Variants in GALC observed in about 807,000 individuals in gnomAD.
The protein encoded by GALC is galactocerebrosidase.
GALC carries 77 observed loss-of-function variants against 91.8 expected under a neutral mutation model. The observed-to-expected ratio is 0.84, with a 90% CI of 0.70 to 1.01. GALC has a LOEUF of 1.01. Ranked by LOEUF, GALC falls within the 50% of genes least tolerant of loss-of-function variation. GALC has a pLI of 0.00. For missense variants in GALC, 882 were observed against 855.9 expected (o/e 1.03, Z -0.38); for synonymous variants, 357 against 306.7 (o/e 1.16, Z -1.71).
chr14:87,950,006 A>G, intron 11 of GALC, 75 bp from the exon 12 acceptor site: 2 of 774,966 alleles, frequency 2.6e-6, no homozygotes, highest in South Asian at 2.8e-5. Flanking sequence ...AATCAGTACC[A>G]GCAAGAATGT....
intron 4 of GALC, among the ~76,000 whole-genome samples, chr14:87,985,716 T>C (rs1029742770): frequency 6.6e-6 from 1 of 152,240 alleles, no homozygotes; most frequent in Non-Finnish European, 1.5e-5. Flanking sequence ...TTAACTTAGT[T>C]TGAATTTAAG....
intron 14 of GALC, among the ~76,000 whole-genome samples, chr14:87,944,451 T>A (rs1884983756): frequency 1.3e-5 from 2 of 151,838 alleles, no homozygotes; most frequent in African/African-American, 4.8e-5. Context: ...AATAAGACCA[T>A]CAGTCACAAA....
chr14:87,958,804 C>T (rs556820869), intron 10 of GALC, among the ~76,000 whole-genome samples: 9 of 152,082 alleles, frequency 5.9e-5, no homozygotes, highest in African/African-American at 1.7e-4. Flanking sequence ...TGCAGAAGAA[C>T]GAAACTGGAC....
chr14:87,953,369 TTGA>T, intron 10 of GALC: 3 of 1,422,908 alleles, frequency 2.1e-6, no homozygotes, highest in Non-Finnish European at 3.0e-6. Flanking sequence ...TCCATTCAAC[TTGA>T]TGATTTTACA....
At chr14:87,987,407 C>A (rs1196865551) in intron 3 of GALC, among the ~76,000 whole-genome samples, 1 of 152,196 alleles carries the variant, frequency 6.6e-6, no homozygotes, top group Admixed American at 6.5e-5. Flanking sequence ...AACGCAATAG[C>A]TTGAAGAAAG....
chr14:87,993,541 C>A, upstream of GALC: 1 of 1,397,680 alleles, frequency 7.2e-7, no homozygotes, highest in Admixed American at 2.0e-5. Flanking sequence ...GGCTTGGACA[C>A]CAGGTCCCGA....
At chr14:87,971,519 G>T (rs748261866) in intron 7 of GALC, among the ~76,000 whole-genome samples, 4 of 151,902 alleles carry the variant, frequency 2.6e-5, no homozygotes, top group African/African-American at 9.7e-5. Flanking sequence ...ACCAGCAAAG[G>T]TCTTTACCAC....
intron 10 of GALC, among the ~76,000 whole-genome samples, chr14:87,960,390 A>T (rs1885752498): frequency 6.6e-6 from 1 of 152,160 alleles, no homozygotes. Context: ...TGTATTACAA[A>T]ACAGCTAGAA....
At chr14:87,977,865 G>A (rs991109225) in intron 6 of GALC, among the ~76,000 whole-genome samples, 1 of 152,086 alleles carries the variant, frequency 6.6e-6, no homozygotes, top group Non-Finnish European at 1.5e-5. Flanking sequence ...TAGAAAACGG[G>A]GTGAAAATTA....
intron 1 of GALC, among the ~76,000 whole-genome samples, chr14:87,988,794 T>C (rs1887077148): frequency 6.6e-6 from 1 of 152,188 alleles, no homozygotes; most frequent in Admixed American, 6.5e-5. Flanking sequence ...ATCACAAACT[T>C]ATCTTGAAAC....
intron 10 of GALC, among the ~76,000 whole-genome samples, chr14:87,951,822 C>A (rs951153678): frequency 6.6e-6 from 1 of 151,804 alleles, no homozygotes; most frequent in Non-Finnish European, 1.5e-5. Flanking sequence ...TTGTGGTATG[C>A]CACTAAAGCA....
intron 6 of GALC, among the ~76,000 whole-genome samples, chr14:87,978,732 A>C (rs1461874935): frequency 6.6e-6 from 1 of 151,952 alleles, no homozygotes; most frequent in African/African-American, 2.4e-5. Context: ...ATTTCCATCC[A>C]CTATCCTCAG....
rs417276 is a variant in GALC at position 87,940,060 on chromosome 14, T to C, written c.1835-79A>G. The C allele has an allele frequency of 0.99, 1,135,503 of 1,148,842 alleles. 561,832 individuals carry two copies. The highest frequency in any genetic ancestry group is 1 in the Non-Finnish European group (761,503 of 761,884). 71.2% of individuals were successfully genotyped at this position (1,148,842 alleles called of 1,614,324 possible). A position where few individuals can be genotyped will look rare whatever the true frequency, so the allele number is the denominator to read the frequency against. ...GAATCATATAATTCAGTGGGGTTCT[T>C]GAGTGGCATCTGTATGTAGTAAAGT... On this transcript the variant is annotated intron_variant, in intron 15 of 16. Coordinates refer to ENST00000261304, the MANE Select transcript of GALC (RefSeq NM_000153.4).
At chr14:87,963,540 G>T in intron 9 of GALC, 29 bp from the exon 10 acceptor site, 1 of 1,577,976 alleles carries the variant, frequency 6.3e-7, no homozygotes, top group Non-Finnish European at 8.7e-7. Flanking sequence ...TTCCAAATAA[G>T]ACAAAAATGG....
intron 5 of GALC, among the ~76,000 whole-genome samples, chr14:87,983,508 T>C (rs893142289): frequency 6.6e-6 from 1 of 152,214 alleles, no homozygotes; most frequent in Non-Finnish European, 1.5e-5. Flanking sequence ...CACAAGAGCT[T>C]ATTAATCTTA....
chr14:87,955,691 A>G (rs1885505075), intron 10 of GALC, among the ~76,000 whole-genome samples: 1 of 152,120 alleles, frequency 6.6e-6, no homozygotes, highest in Non-Finnish European at 1.5e-5. Flanking sequence ...GTCTTTCTAT[A>G]AAAAGCATTG....
chr14:87,984,490 G>T lies in GALC; in HGVS notation c.486C>A (p.Asp162Glu), dbSNP rs767286511. The part of the protein sequence containing the change: ...SFPGWLGKGF[D>E]WPYVNLQLTA... ...TCAGCTGAAGATTGACATAAGGCCA[G>T]TCGAAACCTTTTCCCAGCCATCCAG... The change falls in exon 5 of 17, where the codon GAC becomes GAA. Residue 162 changes from aspartate (D) to glutamate (E), a missense_variant. Coordinates refer to ENST00000261304, the MANE Select transcript of GALC (RefSeq NM_000153.4). 1.8e-5 allele frequency: 29 copies of T among 1,614,160 alleles called. No homozygotes were observed. Among genetic ancestry groups the T allele is most frequent in the Non-Finnish European group, 2.4e-5 (28 of 1,180,012 alleles).
intron 7 of GALC, among the ~76,000 whole-genome samples, chr14:87,974,874 A>G (rs1188233465): frequency 6.6e-6 from 1 of 152,122 alleles, no homozygotes; most frequent in Non-Finnish European, 1.5e-5. Context: ...TCATTACATT[A>G]AAATACCTAT....
chr14:87,980,226 C>CA (rs1349682268), intron 6 of GALC, among the ~76,000 whole-genome samples: 1 of 151,862 alleles, frequency 6.6e-6, no homozygotes, highest in Admixed American at 6.6e-5. Context: ...ACTAAAAATA[C>CA]AAAAAAATTA....
Sources: allele counts gnomAD v4.1 joint callset (sites outside exome capture counted in the v4.1 genomes callset), GRCh38; gene constraint gnomAD v4.1.1; transcripts MANE v1.5; gene names NCBI Gene and HGNC (gene_info 2026-07-23, HGNC 2026-07-21).